The following THEMIS variants were observed in gnomAD, a reference collection of about 807,000 sequenced individuals.
The protein encoded by THEMIS is thymocyte selection associated, also known as protein THEMIS.
Under a neutral mutation model 52.6 loss-of-function variants are expected in THEMIS, and 37 were observed. The observed-to-expected ratio is 0.70, with a 90% CI of 0.54 to 0.93. The LOEUF is 0.93. Ranked by LOEUF, THEMIS falls within the 40% of genes least tolerant of loss-of-function variation. The pLI, the probability that THEMIS is intolerant of heterozygous loss-of-function variation, is 0.00. For synonymous variants in THEMIS, 292 were observed against 272.7 expected, an observed-to-expected ratio of 1.07 and a Z score of -0.70; for missense variants, 808 against 763.1, an observed-to-expected ratio of 1.06 and a Z score of -0.69.
At chr6:127,907,874 T>C (rs1781316080) in intron 1 of THEMIS, among the ~76,000 whole-genome samples, 1 of 152,052 alleles carries the variant, frequency 6.6e-6, no homozygotes, top group Non-Finnish European at 1.5e-5. Flanking sequence ...GGAATCTTGC[T>C]CTGTTGCAGC....
At chr6:127,768,959 G>A (rs1181466655) in intron 4 of THEMIS, among the ~76,000 whole-genome samples, 2 of 152,134 alleles carry the variant, frequency 1.3e-5, no homozygotes, top group African/African-American at 4.8e-5. Context: ...AGACAACATA[G>A]TGTTGAGCTT....
At chr6:127,857,970 A>G (rs1779673691) in intron 1 of THEMIS, among the ~76,000 whole-genome samples, 1 of 152,084 alleles carries the variant, frequency 6.6e-6, no homozygotes, top group African/African-American at 2.4e-5. Flanking sequence ...TTTCTTTGTC[A>G]TATTAAATGG....
At chr6:127,757,659 T>C (rs1775878326) in intron 4 of THEMIS, among the ~76,000 whole-genome samples, 1 of 152,002 alleles carries the variant, frequency 6.6e-6, no homozygotes, top group South Asian at 2.1e-4. Context: ...GATTTTCGTA[T>C]TTTTTAGTAG....
intron 1 of THEMIS, among the ~76,000 whole-genome samples, chr6:127,874,594 A>T (rs868790664): frequency 5.3e-5 from 8 of 152,290 alleles, no homozygotes; most frequent in South Asian, 2.1e-4. Flanking sequence ...ATTTATTTTT[A>T]AAAATCTGCA....
At chr6:127,911,349 C>T (rs773070702) in intron 1 of THEMIS, among the ~76,000 whole-genome samples, 7 of 150,670 alleles carry the variant, frequency 4.6e-5, no homozygotes, top group East Asian at 1.9e-4. Flanking sequence ...TCTTCTCCTT[C>T]ATTTATTTAT....
chr6:127,765,152 C>T (rs1297496596), intron 4 of THEMIS, among the ~76,000 whole-genome samples: 18 of 152,034 alleles, frequency 1.2e-4, no homozygotes, highest in Admixed American at 1.2e-3. Context: ...TCTTCAGACT[C>T]TTAATGGTTC....
chr6:127,777,786 A>T (rs1451372230), intron 4 of THEMIS, among the ~76,000 whole-genome samples: 4 of 152,114 alleles, frequency 2.6e-5, no homozygotes, highest in Admixed American at 2.0e-4. Context: ...TATTTTTAAA[A>T]CACCATTTGG....
intron 1 of THEMIS, among the ~76,000 whole-genome samples, chr6:127,900,473 G>A (rs1781102815): frequency 6.6e-6 from 1 of 152,114 alleles, no homozygotes; most frequent in African/African-American, 2.4e-5. Flanking sequence ...AGTTGCTTTT[G>A]TTTTAGCAAG....
rs140826347 is a variant in THEMIS, at chr6:127,813,526, G to T, written c.1115C>A (p.Ala372Glu). 211 of 1,613,338 alleles carry T rather than the reference G, an allele frequency of 1.3e-4. 1 individual carries two copies. The African/African-American group carries it at 2.5e-3, about 19-fold the overall frequency. ...CAGCTTGTCATGAGGGGAATGAAACGCTTTGGTGGCCACCACGTGAAGAGG... is the reference window on the plus strand; with the variant it reads ...CAGCTTGTCATGAGGGGAATGAAACTCTTTGGTGGCCACCACGTGAAGAGG... ...KEPLHVVATK[A>E]FHSPHDKLSS... The change falls in exon 4 of 6, where the codon GCG becomes GAG. Residue 372 changes from alanine to glutamate, a missense_variant. By Grantham distance (107) the Ala-to-Glu change is moderately radical. Transcript: ENST00000368248.
At chr6:127,741,164 A>T (rs2114276379) in intron 4 of THEMIS, among the ~76,000 whole-genome samples, 1 of 152,348 alleles carries the variant, frequency 6.6e-6, no homozygotes, top group South Asian at 2.1e-4. Flanking sequence ...AAGCAGCAAA[A>T]GCTAGCAGTT....
intron 4 of THEMIS, among the ~76,000 whole-genome samples, chr6:127,751,024 T>C (rs555557610): frequency 6.6e-6 from 1 of 151,864 alleles, no homozygotes; most frequent in South Asian, 2.1e-4. Flanking sequence ...AATATGACAG[T>C]ATTAAACTCA....
intron 2 of THEMIS, among the ~76,000 whole-genome samples, chr6:127,849,713 C>G (rs74977141): frequency 6.6e-6 from 1 of 151,856 alleles, no homozygotes; most frequent in Non-Finnish European, 1.5e-5. Flanking sequence ...GAAACTTGAT[C>G]CCCATTTCTC....
intron 3 of THEMIS, among the ~76,000 whole-genome samples, chr6:127,823,292 G>A (rs1362055960): frequency 2.0e-5 from 3 of 152,064 alleles, no homozygotes; most frequent in Non-Finnish European, 4.4e-5. Flanking sequence ...ATTGCGAAAA[G>A]CATCACTAAC....
chr6:127,773,510 A>G (rs1053002705), intron 4 of THEMIS, among the ~76,000 whole-genome samples: 12 of 152,206 alleles, frequency 7.9e-5, no homozygotes, highest in Admixed American at 3.9e-4. Flanking sequence ...ATAAGCTACT[A>G]CATATCTAAA....
intron 1 of THEMIS, among the ~76,000 whole-genome samples, chr6:127,866,495 T>C (rs1779978327): frequency 6.6e-6 from 1 of 151,986 alleles, no homozygotes; most frequent in Non-Finnish European, 1.5e-5. Context: ...GACAAATATT[T>C]TAAAACTTTA....
chr6:127,765,082 A>C (rs1776150734), intron 4 of THEMIS, among the ~76,000 whole-genome samples: 1 of 152,078 alleles, frequency 6.6e-6, no homozygotes, highest in Admixed American at 6.6e-5. Flanking sequence ...ACACTATTAT[A>C]GCACATAATT....
At chr6:127,811,928 C>G (rs1777921354) in intron 4 of THEMIS, among the ~76,000 whole-genome samples, 1 of 152,164 alleles carries the variant, frequency 6.6e-6, no homozygotes, top group African/African-American at 2.4e-5. Context: ...TAGCTACAAT[C>G]AGAATGCAAT....
intron 4 of THEMIS, among the ~76,000 whole-genome samples, chr6:127,761,600 C>T (rs1042640174): frequency 2.0e-5 from 3 of 152,096 alleles, no homozygotes; most frequent in Non-Finnish European, 2.9e-5. Context: ...TAGAGAAACC[C>T]CTGCTATACA....
chr6:127,852,317 A>C (rs913752099), intron 2 of THEMIS, among the ~76,000 whole-genome samples: 15 of 151,588 alleles, frequency 9.9e-5, no homozygotes, highest in Non-Finnish European at 1.9e-4. Flanking sequence ...CTTCACTTTC[A>C]ACAATGACTA....
Sources: gnomAD v4.1 joint callset for allele counts (sites outside exome capture counted in the v4.1 genomes callset) on GRCh38, gnomAD v4.1.1 for gene constraint, MANE v1.5 for transcripts, NCBI Gene and HGNC (gene_info 2026-07-23, HGNC 2026-07-21) for gene names.